The following KHDRBS3 variants were observed in gnomAD, a reference collection of about 807,000 sequenced individuals.
KHDRBS3 encodes KH RNA binding domain containing, signal transduction associated 3.
Under a neutral mutation model 45.6 loss-of-function variants are expected in KHDRBS3, and 23 were observed. The ratio of observed to expected loss-of-function variants is 0.50; its 90% CI spans 0.36 to 0.72. The LOEUF (loss-of-function observed/expected upper bound fraction) is 0.72, where lower values mean the gene tolerates loss of function less well. Among genes scored for constraint, KHDRBS3 ranks in the 30% least tolerant of loss-of-function variants. The probability of loss-of-function intolerance (pLI) is 0.00; values close to 1 mark genes in which losing one functional copy is unlikely to be tolerated. For synonymous variants in KHDRBS3, 162 were observed against 156.5 expected, an observed-to-expected ratio of 1.04 and a Z score of -0.26; for missense variants, 352 against 424.8, an observed-to-expected ratio of 0.83 and a Z score of 1.51.
chr8:135,636,619 T>G (rs373703343), intron 7 of KHDRBS3, among the ~76,000 whole-genome samples: 9 of 152,224 alleles, frequency 5.9e-5, no homozygotes, highest in Admixed American at 2.0e-4. Flanking sequence ...GGGCTCGTGA[T>G]GGATCCAGCA....
chr8:135,475,004 G>C (rs1822202555), intron 1 of KHDRBS3, among the ~76,000 whole-genome samples: 1 of 152,180 alleles, frequency 6.6e-6, no homozygotes, highest in Non-Finnish European at 1.5e-5. Context: ...ACTCCAGGCT[G>C]AATGTTTTCG....
rs184828928 is a variant in KHDRBS3, at chr8:135,643,843, A to G, written c.891-1216A>G. Among the ~76,000 whole-genome samples the G allele has an allele frequency of 5.0e-3, 768 of 152,286 alleles. 3 individuals carry two copies. Among genetic ancestry groups the G allele is most frequent in the Admixed American group, 0.015 (229 of 15,296 alleles). ...GTCAAATGGGTATGGCAGTTTTACT[A>G]TCCGAGGCCGGGGGTGATGTGGGAT... On this transcript the variant is annotated intron_variant, in intron 7 of 8. Transcript: ENST00000355849.
chr8:135,470,443 C>T (rs972431191), intron 1 of KHDRBS3, among the ~76,000 whole-genome samples: 9 of 152,048 alleles, frequency 5.9e-5, no homozygotes, highest in Non-Finnish European at 8.8e-5. Flanking sequence ...AATCCCCTGC[C>T]CTGTGTTACA....
chr8:135,590,148 A>G, intron 6 of KHDRBS3, among the ~76,000 whole-genome samples: 1 of 152,220 alleles, frequency 6.6e-6, no homozygotes, highest in Admixed American at 6.5e-5. Context: ...CTTTTAGGTA[A>G]CAAACCTGTA....
At chr8:135,459,184 T>C (rs1361334971) in intron 1 of KHDRBS3, among the ~76,000 whole-genome samples, 1 of 152,210 alleles carries the variant, frequency 6.6e-6, no homozygotes, top group East Asian at 1.9e-4. Context: ...TGTATATAGA[T>C]ACCTATATTT....
At chr8:135,578,322 A>G (rs1828043115) in intron 5 of KHDRBS3, among the ~76,000 whole-genome samples, 1 of 151,106 alleles carries the variant, frequency 6.6e-6, no homozygotes, top group Admixed American at 6.6e-5. Context: ...TATAATACAG[A>G]TTTTCTTCTG....
intron 7 of KHDRBS3, among the ~76,000 whole-genome samples, chr8:135,629,460 C>T (rs919017218): frequency 1.3e-5 from 2 of 152,156 alleles, no homozygotes; most frequent in Non-Finnish European, 2.9e-5. Context: ...TTATTGAGCA[C>T]CTTTTATGTC....
At chr8:135,589,024 C>T (rs1324962809) in intron 6 of KHDRBS3, among the ~76,000 whole-genome samples, 7 of 152,176 alleles carry the variant, frequency 4.6e-5, no homozygotes. Flanking sequence ...TCACTTGTTC[C>T]TCATGAATAG....
chr8:135,589,074 G>A (rs1448725361), intron 6 of KHDRBS3, among the ~76,000 whole-genome samples: 1 of 152,026 alleles, frequency 6.6e-6, no homozygotes. Flanking sequence ...CGTTGGTTTT[G>A]TTATGATGCT....
At chr8:135,515,245 G>A (rs949981604) in intron 1 of KHDRBS3, among the ~76,000 whole-genome samples, 1 of 151,398 alleles carries the variant, frequency 6.6e-6, no homozygotes, top group African/African-American at 2.4e-5. Flanking sequence ...GGGCGCCTGT[G>A]GTCCCAGCTA....
chr8:135,652,672 C>G (rs180898051), intron 4 of KHDRBS3, among the ~76,000 whole-genome samples: 10 of 152,316 alleles, frequency 6.6e-5, no homozygotes, highest in African/African-American at 2.4e-4. Flanking sequence ...TCCAGACTTC[C>G]CAGTGGAGCT....
At chr8:135,503,161 A>G (rs1266432595) in intron 1 of KHDRBS3, among the ~76,000 whole-genome samples, 3 of 152,256 alleles carry the variant, frequency 2.0e-5, no homozygotes, top group Admixed American at 1.3e-4. Flanking sequence ...CAGGAATAAC[A>G]TAGTAGACAA....
chr8:135,488,962 G>C (rs1823002961), intron 1 of KHDRBS3, among the ~76,000 whole-genome samples: 1 of 152,180 alleles, frequency 6.6e-6, no homozygotes, highest in African/African-American at 2.4e-5. Context: ...GTTGTGCAAT[G>C]TTGGTTACTT....
chr8:135,493,770 A>G (rs1306725680), intron 1 of KHDRBS3, among the ~76,000 whole-genome samples: 1 of 152,006 alleles, frequency 6.6e-6, no homozygotes. Context: ...AACTTTTGTG[A>G]TTTTGGTATT....
chr8:135,582,158 T>G, intron 6 of KHDRBS3, 85 bp downstream of exon 6: 1 of 1,296,440 alleles, frequency 7.7e-7, no homozygotes, highest in Non-Finnish European at 1.0e-6. Context: ...CGCGTACGCT[T>G]CCTCACCTTG....
intron 1 of KHDRBS3, among the ~76,000 whole-genome samples, chr8:135,475,323 G>T (rs1232965025): frequency 6.6e-6 from 1 of 151,962 alleles, no homozygotes; most frequent in East Asian, 1.9e-4. Flanking sequence ...TTTTGTTTTG[G>T]TTTTTGAGAC....
At chr8:135,519,405 C>T (rs896216485) in intron 1 of KHDRBS3, among the ~76,000 whole-genome samples, 1 of 152,144 alleles carries the variant, frequency 6.6e-6, no homozygotes, top group African/African-American at 2.4e-5. Context: ...ATGTAATGCT[C>T]CGGCTACCCA....
At chr8:135,625,019 AT>A (rs1397478411) in intron 7 of KHDRBS3, among the ~76,000 whole-genome samples, 1 of 152,210 alleles carries the variant, frequency 6.6e-6, no homozygotes, top group Non-Finnish European at 1.5e-5. Flanking sequence ...ACTCAAACTT[AT>A]TGGAAAAGGA....
intron 7 of KHDRBS3, among the ~76,000 whole-genome samples, chr8:135,623,164 T>C (rs1830218217): frequency 6.6e-6 from 1 of 152,254 alleles, no homozygotes. Context: ...TGACAGTATC[T>C]GTAATTGATA....
Sources: gnomAD v4.1 joint callset for allele counts (sites outside exome capture counted in the v4.1 genomes callset) on GRCh38, gnomAD v4.1.1 for gene constraint, MANE v1.5 for transcripts, NCBI Gene and HGNC (gene_info 2026-07-23, HGNC 2026-07-21) for gene names.